The following GRIP2 variants were observed in gnomAD, a reference collection of about 807,000 sequenced individuals.
GRIP2 encodes glutamate receptor interacting protein 2, also known as glutamate receptor-interacting protein 2.
GRIP2 carries 58 observed loss-of-function variants against 108.3 expected under a neutral mutation model. The observed-to-expected ratio is 0.54, with a 90% CI of 0.43 to 0.67. The LOEUF (loss-of-function observed/expected upper bound fraction) is 0.67, where lower values mean the gene tolerates loss of function less well. Ranked by LOEUF, GRIP2 falls within the 30% of genes least tolerant of loss-of-function variation. The probability of loss-of-function intolerance (pLI) is 0.00; values close to 1 mark genes in which losing one functional copy is unlikely to be tolerated. For synonymous variants in GRIP2, 586 were observed against 598.2 expected (o/e 0.98, Z 0.30); for missense variants, 1,278 against 1,430.6 (o/e 0.89, Z 1.72).
At chr3:14,509,159 C>A (rs528945617) in intron 17 of GRIP2, among the ~76,000 whole-genome samples, 1 of 152,298 alleles carries the variant, frequency 6.6e-6, no homozygotes, top group Non-Finnish European at 1.5e-5. Flanking sequence ...GCCCCTCCTG[C>A]GCGGTGCCCT....
intron 1 of GRIP2, among the ~76,000 whole-genome samples, chr3:14,528,734 G>T (rs1455000220): frequency 6.6e-6 from 1 of 151,998 alleles, no homozygotes; most frequent in Non-Finnish European, 1.5e-5. Context: ...ATGTGCAGAG[G>T]TATCTTACTG....
chr3:14,494,514 G>A (rs181491994), intron 23 of GRIP2, among the ~76,000 whole-genome samples: 40 of 152,286 alleles, frequency 2.6e-4, no homozygotes, highest in African/African-American at 9.1e-4. Context: ...AAAAATCCAC[G>A]TGTGACTTTC....
At chr3:14,602,589 G>A in the GRIP2 span, among the ~76,000 whole-genome samples, 1 of 151,560 alleles carries the variant, frequency 6.6e-6, no homozygotes, top group East Asian at 2.0e-4. This position sits in a 1 kb window ranked among gnomAD's most constrained non-coding sequence, Gnocchi z 4.7. Context: ...CCGACCCGCC[G>A]GCCGGGCCGG....
At chr3:14,597,471 C>T in the GRIP2 span, among the ~76,000 whole-genome samples, 3 of 152,184 alleles carry the variant, frequency 2.0e-5, no homozygotes, top group Admixed American at 6.5e-5. Flanking sequence ...CATCTGCCAA[C>T]CCCTGCAAAG....
At chr3:14,509,197 C>T (rs1417443125) in intron 17 of GRIP2, among the ~76,000 whole-genome samples, 1 of 152,172 alleles carries the variant, frequency 6.6e-6, no homozygotes, top group African/African-American at 2.4e-5. Context: ...GCCCCTGCAG[C>T]CCCCACCAGG....
chr3:14,573,695 C>A, the GRIP2 span: 1 of 1,425,898 alleles, frequency 7.0e-7, no homozygotes. Flanking sequence ...TGGTGCAGAT[C>A]GGCCACTTGG....
intron 11 of GRIP2, 77 bp from the exon 12 acceptor site, chr3:14,514,555 G>A: frequency 7.0e-7 from 1 of 1,426,142 alleles, no homozygotes; most frequent in East Asian, 2.5e-5. Context: ...CCATCCCGGG[G>A]CCCTAGGCAC....
the GRIP2 span, among the ~76,000 whole-genome samples, chr3:14,567,732 C>T: frequency 6.6e-6 from 1 of 152,254 alleles, no homozygotes; most frequent in Non-Finnish European, 1.5e-5. Context: ...TTCACTTGCT[C>T]ATGTGCTGGG....
the GRIP2 span, among the ~76,000 whole-genome samples, chr3:14,567,354 C>T: frequency 2.0e-5 from 3 of 152,174 alleles, no homozygotes; most frequent in South Asian, 4.1e-4. Flanking sequence ...CATGGGATCC[C>T]GCTCAGTGAG....
At chr3:14,540,419 T>G, upstream of GRIP2, 1 of 1,601,492 alleles carries the variant, frequency 6.2e-7, no homozygotes, top group Non-Finnish European at 8.5e-7. This position sits in a 1 kb window ranked among gnomAD's most constrained non-coding sequence, Gnocchi z 4.1. Flanking sequence ...CAGCTCCCAC[T>G]GGCTGGGCAC....
chr3:14,494,876 A>T lies in GRIP2; in HGVS notation c.2937T>A (p.Arg979=). 1 of 1,613,812 alleles carries T rather than the reference A, an allele frequency of 6.2e-7. No homozygotes were observed. Among genetic ancestry groups the T allele is most frequent in the Non-Finnish European group, 8.5e-7 (1 of 1,179,806 alleles). The change falls in exon 23 of 24, where the codon CGT becomes CGA. Residue 979 remains arginine (R), a synonymous_variant. Transcript: ENST00000621039. The stretch of plus-strand genomic sequence containing the variant: ...CCCTGTCGAAGGGCTGGAGGCCTCC[A>T]CGGTGGGCTGGCCCATCAGGGCGCA... The part of the protein sequence containing the change: ...HTVRPDGPAH[R]GGLQPFDRVL...
At chr3:14,525,743 C>T (rs1267810198) in intron 2 of GRIP2, 108 bp downstream of exon 2, 2 of 1,333,354 alleles carry the variant, frequency 1.5e-6, no homozygotes, top group Non-Finnish European at 2.1e-6. Flanking sequence ...AGTGGCTGGT[C>T]TAAGGTCACA....
chr3:14,583,495 C>T, the GRIP2 span, among the ~76,000 whole-genome samples: 4 of 152,346 alleles, frequency 2.6e-5, no homozygotes, highest in East Asian at 7.7e-4. Flanking sequence ...GCAAAAGCTA[C>T]TGGGGCCTTC....
chr3:14,579,048 C>A, the GRIP2 span, among the ~76,000 whole-genome samples: 1 of 152,142 alleles, frequency 6.6e-6, no homozygotes, highest in Non-Finnish European at 1.5e-5. Flanking sequence ...CACAGCATCC[C>A]AAACTAGAAC....
chr3:14,592,476 A>T, the GRIP2 span, among the ~76,000 whole-genome samples: 1 of 152,238 alleles, frequency 6.6e-6, no homozygotes, highest in East Asian at 1.9e-4. Context: ...CTCTTTAAAC[A>T]GTCGACCCCA....
At chr3:14,506,545 G>C (rs1693932557) in intron 19 of GRIP2, among the ~76,000 whole-genome samples, 1 of 152,212 alleles carries the variant, frequency 6.6e-6, no homozygotes. Context: ...TTCACAGTGG[G>C]GAAAGCTTAG....
the GRIP2 span, among the ~76,000 whole-genome samples, chr3:14,590,320 A>G: frequency 1.3e-5 from 2 of 152,144 alleles, no homozygotes; most frequent in Non-Finnish European, 2.9e-5. Context: ...GTACTCAGAT[A>G]TCATTCTTTA....
At chr3:14,538,224 C>T (rs1694879816) in intron 1 of GRIP2, among the ~76,000 whole-genome samples, 1 of 152,136 alleles carries the variant, frequency 6.6e-6, no homozygotes, top group Non-Finnish European at 1.5e-5. Flanking sequence ...TCTTCTGTGC[C>T]AAATGTGGAG....
the GRIP2 span, among the ~76,000 whole-genome samples, chr3:14,581,595 T>C: frequency 6.6e-6 from 1 of 152,236 alleles, no homozygotes; most frequent in Non-Finnish European, 1.5e-5. Context: ...TGGAGCCATC[T>C]GCATGTTCTT....
Sources: allele counts gnomAD v4.1 joint callset (sites outside exome capture counted in the v4.1 genomes callset), GRCh38; gene constraint gnomAD v4.1.1; non-coding constraint Gnocchi (gnomAD v3.1); transcripts MANE v1.5; gene names NCBI Gene and HGNC (gene_info 2026-07-23, HGNC 2026-07-21).